DNER: variants seen among roughly 807,000 people sequenced by gnomAD.
DNER encodes the protein delta/notch like EGF repeat containing.
DNER carries 33 observed loss-of-function variants against 78.2 expected under a neutral mutation model. That is an observed-to-expected ratio of 0.42 (90% CI 0.32 to 0.56). DNER has a LOEUF of 0.56. DNER is among the 20% of genes least tolerant of loss of function. The pLI is 0.11. For missense variants in DNER, 918 were observed against 975.3 expected, an observed-to-expected ratio of 0.94 and a Z score of 0.78; for synonymous variants, 417 against 384.8, an observed-to-expected ratio of 1.08 and a Z score of -0.98.
At chr2:229,364,985 GGATTAC>G (rs1250640478) in intron 12 of DNER, among the ~76,000 whole-genome samples, 1 of 151,500 alleles carries the variant, frequency 6.6e-6, no homozygotes, top group African/African-American at 2.4e-5. Flanking sequence ...AGAGTAGCTG[GGATTAC>G]AGTGCTTATC....
intron 2 of DNER, among the ~76,000 whole-genome samples, chr2:229,590,219 T>C (rs2154214592): frequency 6.6e-6 from 1 of 152,264 alleles, no homozygotes; most frequent in South Asian, 2.1e-4. Context: ...CAAATTTATT[T>C]TATGTCAACT....
At chr2:229,582,820 T>C (rs1305392117) in intron 4 of DNER, among the ~76,000 whole-genome samples, 1 of 152,078 alleles carries the variant, frequency 6.6e-6, no homozygotes, top group Non-Finnish European at 1.5e-5. Flanking sequence ...CTTGTATTTT[T>C]AGTAGAGACG....
chr2:229,592,894 T>C (rs889241064), intron 1 of DNER, among the ~76,000 whole-genome samples: 1 of 152,222 alleles, frequency 6.6e-6, no homozygotes, highest in Admixed American at 6.5e-5. Context: ...CTCACTCTCT[T>C]GTTAAAATGA....
chr2:229,584,558 C>G lies in DNER; in HGVS notation c.847+1300G>C, dbSNP rs185997299. On this transcript the variant is annotated intron_variant, in intron 4 of 12. Coordinates refer to ENST00000341772, the MANE Select transcript of DNER (RefSeq NM_139072.4). ...TAGGGGAAAGGTGATCCTCTGGGAA[C>G]TGTCCAAGTGTCCAAGCAAGAGGCA... is the stretch of plus-strand genomic sequence containing the variant. Among the ~76,000 whole-genome samples the G allele has an allele frequency of 2.2e-4, 33 of 152,292 alleles. No individual in the cohort carries two copies. In the East Asian group the frequency reaches 4.1e-3, roughly 19 times the overall value.
chr2:229,495,595 C>T (rs757075717), intron 6 of DNER, among the ~76,000 whole-genome samples: 2 of 152,190 alleles, frequency 1.3e-5, no homozygotes, highest in African/African-American at 2.4e-5. Context: ...CCTTTTTGTT[C>T]TACTCAGGTC....
At chr2:229,552,116 C>T (rs916853964) in intron 4 of DNER, among the ~76,000 whole-genome samples, 21 of 152,106 alleles carry the variant, frequency 1.4e-4, no homozygotes, top group African/African-American at 4.8e-4. Flanking sequence ...AACCAAACAA[C>T]CACCTTTGAG....
chr2:229,625,283 G>A (rs1016488427), intron 1 of DNER, among the ~76,000 whole-genome samples: 8 of 152,130 alleles, frequency 5.3e-5, no homozygotes, highest in East Asian at 3.8e-4. Context: ...GTGGCAGGAG[G>A]AAGCTCTCCC....
chr2:229,436,182 T>C (rs969350653), intron 8 of DNER, among the ~76,000 whole-genome samples: 2 of 152,196 alleles, frequency 1.3e-5, no homozygotes, highest in African/African-American at 2.4e-5. Flanking sequence ...CTCCCACTTA[T>C]AAGCGAGAAC....
chr2:229,557,631 A>C (rs571209225), intron 4 of DNER, among the ~76,000 whole-genome samples: 1 of 152,330 alleles, frequency 6.6e-6, no homozygotes, highest in South Asian at 2.1e-4. Flanking sequence ...TTTATAAAAG[A>C]AAGAAGAAAA....
chr2:229,451,389 G>A (rs576472963), intron 7 of DNER, among the ~76,000 whole-genome samples: 9 of 152,140 alleles, frequency 5.9e-5, no homozygotes, highest in East Asian at 1.9e-4. Flanking sequence ...CCCAGGAGGC[G>A]GAGGATGCAG....
At chr2:229,554,912 G>GAGAA (rs1696824387) in intron 4 of DNER, among the ~76,000 whole-genome samples, 1 of 62,310 alleles carries the variant, frequency 1.6e-5, no homozygotes, top group African/African-American at 6.1e-5. Context: ...GAAGAGAAGA[G>GAGAA]AAGAGAAGAG....
chr2:229,540,013 T>C (rs1214133467), intron 5 of DNER, among the ~76,000 whole-genome samples: 1 of 152,074 alleles, frequency 6.6e-6, no homozygotes, highest in African/African-American at 2.4e-5. Context: ...CTCAATAACG[T>C]TGCAATGAAG....
At chr2:229,616,034 T>C (rs1273256874) in intron 1 of DNER, among the ~76,000 whole-genome samples, 1 of 152,238 alleles carries the variant, frequency 6.6e-6, no homozygotes, top group African/African-American at 2.4e-5. Context: ...TTAACCTCCA[T>C]TAAAGTTGTT....
At chr2:229,668,700 C>T (rs1699153952) in intron 1 of DNER, among the ~76,000 whole-genome samples, 1 of 150,704 alleles carries the variant, frequency 6.6e-6, no homozygotes, top group Middle Eastern at 3.4e-3. Context: ...GAATGGAGAT[C>T]ATTAAAAAGT....
rs1315650096 is a variant in DNER, at chr2:229,624,210, G to A, written c.277-32322C>T. The stretch of plus-strand genomic sequence containing the variant: ...ATCAGGAAAATGAAACAGCAGGGAA[G>A]GCAGGTAAGAATATAACAAAAGGAA... On this transcript the variant is annotated intron_variant, in intron 1 of 12. Transcript: ENST00000341772. Among the ~76,000 whole-genome samples, 3 of 149,690 alleles carry A rather than the reference G, an allele frequency of 2.0e-5. No individual in the cohort carries two copies. The East Asian group carries it at 5.8e-4, about 29-fold the overall frequency.
intron 6 of DNER, among the ~76,000 whole-genome samples, chr2:229,492,403 C>A (rs1231281535): frequency 6.6e-6 from 1 of 152,166 alleles, no homozygotes; most frequent in Non-Finnish European, 1.5e-5. Flanking sequence ...AGGGGCAATA[C>A]ATTCATAGAC....
intron 6 of DNER, among the ~76,000 whole-genome samples, chr2:229,510,579 G>A (rs958061295): frequency 1.3e-5 from 2 of 152,236 alleles, no homozygotes; most frequent in African/African-American, 4.8e-5. Flanking sequence ...AAAATATGAA[G>A]AGAGAGGGAG....
intron 1 of DNER, among the ~76,000 whole-genome samples, chr2:229,635,241 G>A (rs1698508141): frequency 6.6e-6 from 1 of 151,954 alleles, no homozygotes; most frequent in Admixed American, 6.6e-5. Context: ...AGGGGTTCAT[G>A]CCTAGTACAG....
chr2:229,706,069 T>A (rs1699822327), intron 1 of DNER, among the ~76,000 whole-genome samples: 1 of 152,072 alleles, frequency 6.6e-6, no homozygotes, highest in Non-Finnish European at 1.5e-5. Flanking sequence ...CCCAGGGCCC[T>A]ACCTGGAGCC....
Sources: gnomAD v4.1 joint callset for allele counts (sites outside exome capture counted in the v4.1 genomes callset) on GRCh38, gnomAD v4.1.1 for gene constraint, MANE v1.5 for transcripts, NCBI Gene and HGNC (gene_info 2026-07-23, HGNC 2026-07-21) for gene names.